Variants in ADGRL2 observed in about 807,000 individuals in gnomAD.
ADGRL2 encodes adhesion G protein-coupled receptor L2.
Under a neutral mutation model 157.4 loss-of-function variants are expected in ADGRL2, and 44 were observed. The observed-to-expected ratio is 0.28, with a 90% CI of 0.22 to 0.36. The LOEUF (loss-of-function observed/expected upper bound fraction) is 0.36, where lower values mean the gene tolerates loss of function less well. Among genes scored for constraint, ADGRL2 ranks in the 10% least tolerant of loss-of-function variants. The pLI is 1.00. For synonymous variants in ADGRL2, 585 were observed against 624.7 expected, an observed-to-expected ratio of 0.94 and a Z score of 0.95; for missense variants, 1,510 against 1,768.9, an observed-to-expected ratio of 0.85 and a Z score of 2.63.
chr1:81,757,075 A>C (rs1045035777), intron 1 of ADGRL2, among the ~76,000 whole-genome samples: 4 of 152,152 alleles, frequency 2.6e-5, no homozygotes, highest in African/African-American at 4.8e-5. Flanking sequence ...CTATCACCAG[A>C]GACTGTGTTG....
chr1:81,828,225 C>G (rs2091662307), intron 1 of ADGRL2, among the ~76,000 whole-genome samples: 2 of 152,106 alleles, frequency 1.3e-5, no homozygotes, highest in African/African-American at 4.8e-5. Flanking sequence ...GACCATATCA[C>G]TCTTAAAGCC....
chr1:81,569,614 C>G (rs1011301180), intron 2 of ADGRL2, among the ~76,000 whole-genome samples: 1 of 152,006 alleles, frequency 6.6e-6, no homozygotes, highest in African/African-American at 2.4e-5. Context: ...TCGAGACCAG[C>G]CTAGTCAACC....
chr1:81,634,346 A>G lies in ADGRL2; in HGVS notation c.-143+53366A>G, dbSNP rs568502635. ...AGTGATCTTTCCGAAGCTTAATCAT[A>G]TCAGAGAACTTCTCCACTTAAACCC... On this transcript the variant is annotated intron_variant, in intron 3 of 24. Transcript: ENST00000370721. Among the ~76,000 whole-genome samples, 3 of 152,224 alleles carry G rather than the reference A, an allele frequency of 2.0e-5. No homozygotes were observed. In the South Asian group the frequency reaches 6.2e-4, roughly 32 times the overall value.
intron 2 of ADGRL2, among the ~76,000 whole-genome samples, chr1:81,886,849 T>C (rs1349912474): frequency 6.6e-6 from 1 of 152,202 alleles, no homozygotes; most frequent in African/African-American, 2.4e-5. Flanking sequence ...TCTGTCAGAA[T>C]GTCTGCCTCA....
intron 2 of ADGRL2, among the ~76,000 whole-genome samples, chr1:81,868,803 C>T (rs1425769265): frequency 6.6e-6 from 1 of 151,916 alleles, no homozygotes; most frequent in Non-Finnish European, 1.5e-5. Context: ...GGGAAAGGTC[C>T]CTGTTATTTG....
chr1:81,661,194 T>A (rs1146698), intron 3 of ADGRL2, among the ~76,000 whole-genome samples: 45,787 of 151,784 alleles, frequency 0.3, 7,201 homozygotes, highest in African/African-American at 0.39. Flanking sequence ...GCATTTTTTT[T>A]ATTAATCTTT....
chr1:81,501,989 G>A, intron 2 of ADGRL2: 1 of 1,612,068 alleles, frequency 6.2e-7, no homozygotes. Flanking sequence ...AGGTCCCTTA[G>A]CCAGAGTTCC....
At chr1:81,357,230 T>C (rs1365986035) in intron 1 of ADGRL2, among the ~76,000 whole-genome samples, 1 of 152,138 alleles carries the variant, frequency 6.6e-6, no homozygotes, top group Non-Finnish European at 1.5e-5. Context: ...TTGCTCACTC[T>C]TTGCACCATG....
chr1:81,487,108 A>AAAC (rs537612028), intron 2 of ADGRL2, among the ~76,000 whole-genome samples: 4 of 135,494 alleles, frequency 3.0e-5, no homozygotes, highest in Non-Finnish European at 6.3e-5. Flanking sequence ...AAAAAAAAAA[A>AAAC]AGAAAGTAAA....
At chr1:81,409,739 C>T (rs1378703265) in intron 1 of ADGRL2, among the ~76,000 whole-genome samples, 1 of 152,184 alleles carries the variant, frequency 6.6e-6, no homozygotes, top group Non-Finnish European at 1.5e-5. Context: ...CTTGTAAATC[C>T]ATGCAAACAA....
chr1:81,745,214 T>C (rs1459837627), intron 1 of ADGRL2, among the ~76,000 whole-genome samples: 2 of 152,142 alleles, frequency 1.3e-5, no homozygotes, highest in Non-Finnish European at 2.9e-5. Context: ...ATAACAAAAA[T>C]AGTTTAACTT....
chr1:81,912,826 G>A (rs1270555714), intron 3 of ADGRL2, among the ~76,000 whole-genome samples: 3 of 152,112 alleles, frequency 2.0e-5, no homozygotes, highest in Non-Finnish European at 4.4e-5. Context: ...AGATAGGAGA[G>A]TTTCAAGATA....
At chr1:81,427,182 G>A in intron 1 of ADGRL2, 1 of 946,706 alleles carries the variant, frequency 1.1e-6, no homozygotes, top group Non-Finnish European at 1.7e-6. Context: ...CGAGGTGGTG[G>A]AGGTAATTTT....
chr1:81,636,636 C>G lies in ADGRL2; in HGVS notation c.-143+55656C>G, dbSNP rs373440221. On this transcript the variant is annotated intron_variant, in intron 3 of 24. Coordinates refer to the ADGRL2 transcript ENST00000370721. Reference sequence around the variant, plus strand: ...CGTCCCCATTTTCTGGCCCAGTTTTCCCCAAACTGAGCTCGCCAGAACCAT... The same window carrying G: ...CGTCCCCATTTTCTGGCCCAGTTTTGCCCAAACTGAGCTCGCCAGAACCAT... Among the ~76,000 whole-genome samples, 22 of 152,158 alleles carry G rather than the reference C, an allele frequency of 1.4e-4. No homozygotes were observed. The East Asian group carries it at 2.5e-3, about 17-fold the overall frequency.
Position 81,993,097 on chromosome 1 carries a change from T to A in ADGRL2, c.*1952T>A, listed in dbSNP as rs1296330080. ...TATATATATATATATATTTTTTTTT[T>A]TTTTTTTTTTTTTTTTTTTTTTGGG... On this transcript the variant is annotated 3_prime_UTR_variant, in exon 24 of 24. Coordinates refer to ENST00000686636, the MANE Select transcript of ADGRL2 (RefSeq NM_001366006.2). 2.4e-3 allele frequency among the ~76,000 whole-genome samples: 127 copies of A among 52,146 alleles called. No homozygotes were observed. The highest frequency in any genetic ancestry group is 5.8e-3 in the African/African-American group (82 of 14,082). The allele number at this position is 52,146 out of a possible 152,430, so 34.2% of individuals were successfully genotyped here.
intron 2 of ADGRL2, among the ~76,000 whole-genome samples, chr1:81,513,266 C>T (rs765336884): frequency 1.3e-5 from 2 of 152,136 alleles, no homozygotes; most frequent in Non-Finnish European, 2.9e-5. Context: ...TTGGTAATCA[C>T]TCTGTATCCT....
chr1:81,846,768 G>T (rs888713140), intron 2 of ADGRL2, among the ~76,000 whole-genome samples: 3 of 151,842 alleles, frequency 2.0e-5, no homozygotes, highest in Non-Finnish European at 4.4e-5. Context: ...TCAAGCTTTG[G>T]TTAGAGACAA....
At chr1:81,793,280 C>T (rs2087435653) in intron 2 of ADGRL2, among the ~76,000 whole-genome samples, 1 of 152,048 alleles carries the variant, frequency 6.6e-6, no homozygotes, top group Non-Finnish European at 1.5e-5. Context: ...TTTCTCATTA[C>T]CCCAAAGGGA....
intron 1 of ADGRL2, among the ~76,000 whole-genome samples, chr1:81,317,621 T>C (rs1308114735): frequency 6.6e-6 from 1 of 152,196 alleles, no homozygotes; most frequent in African/African-American, 2.4e-5. Context: ...AGAAACAGTA[T>C]AGTAAAGAGT....
Sources: gnomAD v4.1 joint callset for allele counts (sites outside exome capture counted in the v4.1 genomes callset) on GRCh38, gnomAD v4.1.1 for gene constraint, MANE v1.5 for transcripts, NCBI Gene and HGNC (gene_info 2026-07-23, HGNC 2026-07-21) for gene names.